CECR2: variants seen among roughly 807,000 people sequenced by gnomAD.
The protein encoded by CECR2 is chromatin remodeling regulator CECR2.
CECR2 carries 30 observed loss-of-function variants against 154.5 expected under a neutral mutation model. The observed-to-expected ratio is 0.19, with a 90% confidence interval of 0.15 to 0.26. The LOEUF (loss-of-function observed/expected upper bound fraction) is 0.26, where lower values mean the gene tolerates loss of function less well. Among genes scored for constraint, CECR2 ranks in the 10% least tolerant of loss-of-function variants. The probability of loss-of-function intolerance (pLI) is 1.00; values close to 1 mark genes in which losing one functional copy is unlikely to be tolerated. For missense variants in CECR2, 1,743 were observed against 1,829.3 expected (o/e 0.95, Z 0.86); for synonymous variants, 725 against 683.7 (o/e 1.06, Z -0.94).
chr22:17,530,019 T>C (rs908850092), intron 9 of CECR2, among the ~76,000 whole-genome samples: 1 of 152,158 alleles, frequency 6.6e-6, no homozygotes, highest in Non-Finnish European at 1.5e-5. Context: ...CCTTTTAACA[T>C]AATGAGTAAT....
At chr22:17,551,426 T>C (rs2056706616) in intron 17 of CECR2, among the ~76,000 whole-genome samples, 2 of 152,164 alleles carry the variant, frequency 1.3e-5, no homozygotes, top group Non-Finnish European at 1.5e-5. Context: ...GCAGTTGTCA[T>C]ATCTTTGTTT....
At chr22:17,534,282 C>G (rs1005804164) in intron 9 of CECR2, among the ~76,000 whole-genome samples, 1 of 152,038 alleles carries the variant, frequency 6.6e-6, no homozygotes, top group African/African-American at 2.4e-5. Context: ...CCTATGATCC[C>G]AACAGAGCGA....
chr22:17,419,317 GAGC>G (rs1171178296), intron 1 of CECR2: 1 of 163,630 alleles, frequency 6.1e-6, no homozygotes, highest in Admixed American at 6.3e-5. Context: ...CCTGAAGGAA[GAGC>G]ATGTGAAGGT....
At chr22:17,460,501 C>A (rs562610142) in intron 1 of CECR2, among the ~76,000 whole-genome samples, 1 of 152,202 alleles carries the variant, frequency 6.6e-6, no homozygotes, top group African/African-American at 2.4e-5. Context: ...TGAGCCACCG[C>A]GCCCAGCCTC....
At chr22:17,441,537 A>G (rs1311379460) in intron 1 of CECR2, among the ~76,000 whole-genome samples, 3 of 152,180 alleles carry the variant, frequency 2.0e-5, no homozygotes, top group African/African-American at 4.8e-5. Context: ...GCTTTCTTTT[A>G]AAAAGTAGCC....
At chr22:17,374,054 A>T (rs2063090068) in intron 1 of CECR2, among the ~76,000 whole-genome samples, 2 of 152,224 alleles carry the variant, frequency 1.3e-5, no homozygotes, top group African/African-American at 2.4e-5. Context: ...AATGATTTTC[A>T]GTAATCATGA....
At chr22:17,478,353 T>TC (rs2055245395) in intron 2 of CECR2, among the ~76,000 whole-genome samples, 1 of 23,208 alleles carries the variant, frequency 4.3e-5, no homozygotes, top group South Asian at 2.7e-3. Flanking sequence ...TGGTATCAAA[T>TC]TTTTTTTTTT....
intron 1 of CECR2, among the ~76,000 whole-genome samples, chr22:17,410,882 A>G (rs1055564306): frequency 6.6e-6 from 1 of 152,228 alleles, no homozygotes; most frequent in African/African-American, 2.4e-5. Context: ...TTCTAGAGCT[A>G]CAGAAGGTAA....
At chr22:17,381,483 A>G (rs1403008082) in intron 1 of CECR2, among the ~76,000 whole-genome samples, 3 of 152,192 alleles carry the variant, frequency 2.0e-5, no homozygotes, top group African/African-American at 7.2e-5. Context: ...CGCTTTCAGC[A>G]ATGGAACCCA....
chr22:17,455,557 G>A (rs547711100), intron 1 of CECR2, among the ~76,000 whole-genome samples: 2 of 152,190 alleles, frequency 1.3e-5, no homozygotes, highest in East Asian at 3.9e-4. Flanking sequence ...CTTGTATTAG[G>A]TATCCATTGA....
intron 9 of CECR2, among the ~76,000 whole-genome samples, chr22:17,535,881 T>G (rs2056430164): frequency 6.6e-6 from 1 of 152,102 alleles, no homozygotes; most frequent in African/African-American, 2.4e-5. Context: ...CCAACAGGGA[T>G]CGTGTCTTGC....
chr22:17,385,367 G>T (rs1306983161), intron 1 of CECR2, among the ~76,000 whole-genome samples: 4 of 152,150 alleles, frequency 2.6e-5, no homozygotes, highest in Non-Finnish European at 4.4e-5. Context: ...GAGAGACATG[G>T]TGCTCTTCCT....
chr22:17,474,412 C>T (rs928332946), intron 1 of CECR2, among the ~76,000 whole-genome samples: 1 of 152,176 alleles, frequency 6.6e-6, no homozygotes, highest in African/African-American at 2.4e-5. Flanking sequence ...TAATAAGTGA[C>T]GCAGAGTTCC....
chr22:17,396,757 G>A (rs2053818240), intron 1 of CECR2, among the ~76,000 whole-genome samples: 1 of 152,190 alleles, frequency 6.6e-6, no homozygotes, highest in Non-Finnish European at 1.5e-5. Context: ...GAATGGAGAA[G>A]TAATCTCTGC....
At chr22:17,376,264 G>C (rs767890907) in intron 1 of CECR2, among the ~76,000 whole-genome samples, 2 of 152,182 alleles carry the variant, frequency 1.3e-5, no homozygotes, top group Non-Finnish European at 2.9e-5. Flanking sequence ...AGCTTCAAAG[G>C]CTTCACAGTT....
chr22:17,495,609 T>A (rs1205854204), intron 2 of CECR2, among the ~76,000 whole-genome samples: 1 of 143,396 alleles, frequency 7.0e-6, no homozygotes, highest in Non-Finnish European at 1.5e-5. Context: ...ACGCCTGTAA[T>A]CCCAGCACTT....
intron 1 of CECR2, 37 bp from the exon 2 acceptor site, chr22:17,477,551 T>A: frequency 7.3e-7 from 1 of 1,365,066 alleles, no homozygotes; most frequent in Non-Finnish European, 1.0e-6. Flanking sequence ...AAGAAATCTC[T>A]GTTTGATTTC....
chr22:17,404,272 C>A (rs2053941871), intron 1 of CECR2, among the ~76,000 whole-genome samples: 1 of 108,326 alleles, frequency 9.2e-6, no homozygotes, highest in Non-Finnish European at 1.9e-5. Context: ...CCCCCCGACC[C>A]CCCTGCCAAA....
intron 1 of CECR2, among the ~76,000 whole-genome samples, chr22:17,458,404 T>A (rs562029419): frequency 6.8e-6 from 1 of 147,664 alleles, no homozygotes; most frequent in Non-Finnish European, 1.5e-5. Context: ...ACAGAGCAAG[T>A]CTCTGTCTCC....
Sources: gnomAD v4.1 joint callset for allele counts (sites outside exome capture counted in the v4.1 genomes callset) on GRCh38, gnomAD v4.1.1 for gene constraint, MANE v1.5 for transcripts, NCBI Gene and HGNC (gene_info 2026-07-23, HGNC 2026-07-21) for gene names.